TENT5C: variants seen among roughly 807,000 people sequenced by gnomAD.
The protein encoded by TENT5C is family with sequence similarity 46 member C.
In TENT5C, 5 loss-of-function variants were observed where a neutral mutation model predicts 22.2. The ratio of observed to expected loss-of-function variants is 0.22; its 90% CI spans 0.12 to 0.47. The LOEUF (loss-of-function observed/expected upper bound fraction) is 0.47, where lower values mean the gene tolerates loss of function less well. TENT5C is among the 20% of genes least tolerant of loss of function. The probability of loss-of-function intolerance (pLI) is 0.99; values close to 1 mark genes in which losing one functional copy is unlikely to be tolerated. For synonymous variants in TENT5C, 199 were observed against 195.4 expected, an observed-to-expected ratio of 1.02 and a Z score of -0.15; for missense variants, 364 against 500.9, an observed-to-expected ratio of 0.73 and a Z score of 2.61.
chr1:117,622,157 C>A (rs1345314830), intron 1 of TENT5C, among the ~76,000 whole-genome samples: 4 of 152,160 alleles, frequency 2.6e-5, no homozygotes, highest in African/African-American at 9.7e-5. Flanking sequence ...CCCTAGATGA[C>A]AAGTACTTGT....
rs1231891833 is a variant in TENT5C at position 117,627,950 on chromosome 1, T to G, written c.*3906T>G. The stretch of plus-strand genomic sequence containing the variant: ...TGTAAGCTAAATAAAATGCTTGGAG[T>G]TTTGCCTGGGCTAGTGAGAGTTGGT... On this transcript the variant is annotated 3_prime_UTR_variant, in exon 2 of 2. Coordinates refer to ENST00000369448, the MANE Select transcript of TENT5C (RefSeq NM_017709.4). The G allele has an allele frequency of 4.0e-6, 1 of 247,858 alleles. No individual in the cohort carries two copies. The highest frequency in any genetic ancestry group is 8.5e-6 in the Non-Finnish European group (1 of 118,118). 15.4% of individuals were successfully genotyped at this position (247,858 alleles called of 1,614,324 possible).
At chr1:117,606,684 C>G (rs1653543986) in intron 1 of TENT5C, among the ~76,000 whole-genome samples, 2 of 152,298 alleles carry the variant, frequency 1.3e-5, no homozygotes, top group South Asian at 2.1e-4. Flanking sequence ...TCACTAGGCG[C>G]AGCTGGAGAC....
At chr1:117,608,468 A>G (rs766882568) in intron 1 of TENT5C, among the ~76,000 whole-genome samples, 7 of 152,186 alleles carry the variant, frequency 4.6e-5, no homozygotes, top group Non-Finnish European at 7.3e-5. Flanking sequence ...GATCATGCAC[A>G]TCTTGCGCTG....
intron 1 of TENT5C, among the ~76,000 whole-genome samples, chr1:117,618,397 GT>G (rs574013203): frequency 2.6e-5 from 4 of 151,316 alleles, no homozygotes; most frequent in Non-Finnish European, 3.0e-5. Flanking sequence ...AGAGTCTGAG[GT>G]TTTTTTTTAA....
At position 117,626,922 on chromosome 1, in the gene TENT5C, C is replaced by T. The variant is rs1360681536; in HGVS notation, c.*2878C>T. ...TGAGATGAAGACAGTACCTTTTCCT[C>T]TCACATTGGCAGAATAGCACGCACT... is the stretch of plus-strand genomic sequence containing the variant. On this transcript the variant is annotated 3_prime_UTR_variant, in exon 2 of 2. Coordinates refer to ENST00000369448, the MANE Select transcript of TENT5C (RefSeq NM_017709.4). The T allele has an allele frequency of 4.0e-6, 1 of 248,194 alleles. No individual in the cohort carries two copies. 15.4% of individuals were successfully genotyped at this position (248,194 alleles called of 1,614,324 possible). A position where few individuals can be genotyped will look rare whatever the true frequency, so the allele number is the denominator to read the frequency against.
In TENT5C at chr1:117,627,727, CAG is replaced by C; in HGVS notation, c.*3686_*3687del. 1 of 247,990 alleles carries C rather than the reference CAG, an allele frequency of 4.0e-6. No homozygotes were observed. The highest frequency in any genetic ancestry group is 2.2e-5 in the African/African-American group (1 of 45,386). The allele number at this position is 247,990 out of a possible 1,614,324, so 15.4% of individuals were successfully genotyped here. ...ATATTCCAATTCAACCAGTTAAAAT[CAG>C]AGGACCAAGTCGTGGGGGAGGGGGG... is the stretch of plus-strand genomic sequence containing the variant. On this transcript the variant is annotated 3_prime_UTR_variant, in exon 2 of 2. Transcript: ENST00000369448.
intron 1 of TENT5C, among the ~76,000 whole-genome samples, chr1:117,618,818 T>C (rs1486008518): frequency 2.0e-5 from 3 of 152,376 alleles, no homozygotes; most frequent in Admixed American, 1.3e-4. Context: ...CTAAAACTAC[T>C]ACCTGCATAT....
rs1326098844 is a variant in TENT5C, at chr1:117,625,397, T to C, written c.*1353T>C. 2 of 248,178 alleles carry C rather than the reference T, an allele frequency of 8.1e-6. No individual in the cohort carries two copies. The highest frequency in any genetic ancestry group is 1.2e-4 in the East Asian group (2 of 16,592). The allele number at this position is 248,178 out of a possible 1,614,324, so 15.4% of individuals were successfully genotyped here. A position where few individuals can be genotyped will look rare whatever the true frequency, so the allele number is the denominator to read the frequency against. ...TTGACTTGTTTATAATTCTGCACTT[T>C]AGAAGAAAAACAGTGTTAATCTGTA... On this transcript the variant is annotated 3_prime_UTR_variant, in exon 2 of 2. Transcript: ENST00000369448.
chr1:117,612,535 T>C (rs1411548220), intron 1 of TENT5C, among the ~76,000 whole-genome samples: 13 of 152,092 alleles, frequency 8.5e-5, no homozygotes, highest in Non-Finnish European at 1.8e-4. Context: ...GTCAAAGTGT[T>C]TGAGCTGTCT....
chr1:117,609,224 G>A (rs893230), intron 1 of TENT5C, among the ~76,000 whole-genome samples: 7 of 151,940 alleles, frequency 4.6e-5, no homozygotes, highest in Non-Finnish European at 1.0e-4. Flanking sequence ...ATTGCAGGCC[G>A]CATAAAGAGG....
Position 117,624,164 on chromosome 1 carries a change from CTTT to C in TENT5C, c.*134_*136del, listed in dbSNP as rs4026613. On this transcript the variant is annotated 3_prime_UTR_variant, in exon 2 of 2. Transcript: ENST00000369448. The stretch of plus-strand genomic sequence containing the variant: ...AAAGGGGAACTCAGCTCTGATTCTG[CTTT>C]TTTTTTTTTTTTTCCTTTGTGTACC... 369 of 626,998 alleles carry C rather than the reference CTTT, an allele frequency of 5.9e-4. No individual in the cohort carries two copies. Among genetic ancestry groups the C allele is most frequent in the Non-Finnish European group, 6.6e-4 (251 of 378,174 alleles). The allele number at this position is 626,998 out of a possible 1,614,324, so 38.8% of individuals were successfully genotyped here.
intron 1 of TENT5C, among the ~76,000 whole-genome samples, chr1:117,621,971 C>T (rs7529477): frequency 3.9e-5 from 6 of 152,134 alleles, no homozygotes; most frequent in African/African-American, 7.2e-5. Flanking sequence ...TTATTCTCCT[C>T]GGGTAGCTTT....
In TENT5C at chr1:117,623,964, G is replaced by A; in HGVS notation, c.1096G>A (p.Gly366Ser). ...YYQPAPYVSD[G>S]NFSNYYVAHP... Reference sequence around the variant, plus strand: ...CCAGCCGGCCCCTTACGTCAGTGATGGCAACTTCAGCAACTACTACGTTGC... The same window carrying A: ...CCAGCCGGCCCCTTACGTCAGTGATAGCAACTTCAGCAACTACTACGTTGC... The change falls in exon 2 of 2, where the codon GGC becomes AGC. Residue 366 changes from glycine (G) to serine (S), a missense_variant. Physicochemically the swap from Gly to Ser is moderately conservative, Grantham distance 56. This residue lies in a region of TENT5C where 54 missense variants were observed against 76.5 expected (regional missense o/e 0.71). Transcript: ENST00000369448. 1 of 1,613,952 alleles carries A rather than the reference G, an allele frequency of 6.2e-7. No homozygotes were observed. The highest frequency in any genetic ancestry group is 8.5e-7 in the Non-Finnish European group (1 of 1,179,990).
In TENT5C at chr1:117,625,620, T is replaced by TC. The variant is rs1036186970; in HGVS notation, c.*1581dup. 4.0e-6 allele frequency: 1 copy of TC among 248,028 alleles called. No individual in the cohort carries two copies. Among genetic ancestry groups the TC allele is most frequent in the African/African-American group, 2.2e-5 (1 of 45,348 alleles). 15.4% of individuals were successfully genotyped at this position (248,028 alleles called of 1,614,324 possible). A position where few individuals can be genotyped will look rare whatever the true frequency, so the allele number is the denominator to read the frequency against. ...AAATTCATGCTCCTGATCTTTTTTT[T>TC]CCCCCTTCCTTTGGCTATGAAAACC... On this transcript the variant is annotated 3_prime_UTR_variant, in exon 2 of 2. Transcript: ENST00000369448.
At chr1:117,616,419 C>G (rs1053735737) in intron 1 of TENT5C, among the ~76,000 whole-genome samples, 6 of 152,152 alleles carry the variant, frequency 3.9e-5, no homozygotes, top group African/African-American at 1.2e-4. Flanking sequence ...TGCTTATGTT[C>G]TCTAGGTTTT....
At chr1:117,607,526 A>C (rs12040132) in intron 1 of TENT5C, among the ~76,000 whole-genome samples, 12,747 of 152,282 alleles carry the variant, frequency 0.084, 661 homozygotes, top group East Asian at 0.17. Context: ...GAACCAGCCC[A>C]GGAAATAAAG....
chr1:117,624,184 T>G lies in TENT5C; in HGVS notation c.*140T>G. On this transcript the variant is annotated 3_prime_UTR_variant, in exon 2 of 2. Coordinates refer to ENST00000369448, the MANE Select transcript of TENT5C (RefSeq NM_017709.4). ...TTCTGCTTTTTTTTTTTTTTTTCCT[T>G]TGTGTACCCATTGGAATGGGTCTAC... 1.4e-6 allele frequency: 1 copy of G among 726,644 alleles called. No homozygotes were observed. The highest frequency in any genetic ancestry group is 2.0e-5 in the South Asian group (1 of 50,732). The allele number at this position is 726,644 out of a possible 1,614,324, so 45.0% of individuals were successfully genotyped here.
Position 117,614,056 on chromosome 1 carries a change from A to G in TENT5C, c.-28+7903A>G, listed in dbSNP as rs548008114. ...TAATCTAAGCTGCTATTCCATGTAC[A>G]TGAAACACTCGAGTGTCTGTTATCT... is the stretch of plus-strand genomic sequence containing the variant. On this transcript the variant is annotated intron_variant, in intron 1 of 1. Transcript: ENST00000369448. Among the ~76,000 whole-genome samples, 233 of 152,346 alleles carry G rather than the reference A, an allele frequency of 1.5e-3. 4 individuals carry two copies. Among genetic ancestry groups the G allele is most frequent in the Middle Eastern group, 0.01 (3 of 294 alleles).
chr1:117,622,783 C>A, intron 1 of TENT5C, 59 bp from the exon 2 acceptor site: 1 of 1,178,514 alleles, frequency 8.5e-7, no homozygotes, highest in Non-Finnish European at 1.2e-6. Context: ...GTGAGTTCCT[C>A]GAGCTGCTTT....
Sources: gnomAD v4.1 joint callset for allele counts (sites outside exome capture counted in the v4.1 genomes callset) on GRCh38, gnomAD v4.1.1 for gene constraint, gnomAD v4.1.1 regional missense constraint, MANE v1.5 for transcripts, NCBI Gene and HGNC (gene_info 2026-07-23, HGNC 2026-07-21) for gene names.